The following DMD variants were observed in gnomAD, a reference collection of about 807,000 sequenced individuals.
DMD encodes mutant dystrophin.
DMD carries 63 observed loss-of-function variants against 330.1 expected under a neutral mutation model. The observed-to-expected ratio is 0.19, with a 90% confidence interval of 0.16 to 0.24. The LOEUF is 0.24. Among genes scored for constraint, DMD ranks in the 10% least tolerant of loss-of-function variants. DMD has a pLI of 1.00. For missense variants in DMD, 3,344 were observed against 2,684.1 expected (o/e 1.25, Z -5.43); for synonymous variants, 1,223 against 959.8 (o/e 1.27, Z -5.07).
intron 1 of DMD, among the ~76,000 whole-genome samples, chrX:33,202,332 G>C (rs756981053): frequency 9.0e-6 from 1 of 111,285 alleles, no homozygotes; most frequent in Non-Finnish European, 1.9e-5. Flanking sequence ...ACTCTACCAC[G>C]TACCAGCTGA....
intron 63 of DMD, among the ~76,000 whole-genome samples, chrX:31,229,058 G>A (rs1464426434): frequency 1.8e-5 from 2 of 111,871 alleles, no homozygotes; most frequent in Non-Finnish European, 3.8e-5. Flanking sequence ...TTTAGTCTAT[G>A]CATTTTTCTT....
At chrX:31,219,832 A>G (rs1219099860) in intron 64 of DMD, among the ~76,000 whole-genome samples, 1 of 73,872 alleles carries the variant, frequency 1.4e-5, no homozygotes, top group Non-Finnish European at 2.5e-5. Flanking sequence ...GGATCAATGT[A>G]TACACACACA....
At chrX:31,781,729 T>A (rs779882667) in intron 50 of DMD, among the ~76,000 whole-genome samples, 24 of 111,509 alleles carry the variant, frequency 2.2e-4, no homozygotes, top group South Asian at 1.9e-3. Context: ...TTGTCCCAGA[T>A]AATTTTTTGT....
intron 52 of DMD, among the ~76,000 whole-genome samples, chrX:31,688,948 T>C (rs1461846927): frequency 1.8e-5 from 2 of 111,503 alleles, no homozygotes; most frequent in African/African-American, 6.5e-5. Flanking sequence ...CTCGATAAAT[T>C]AGGTATTGAT....
At chrX:32,891,918 T>G (rs930546575) in intron 2 of DMD, among the ~76,000 whole-genome samples, 4 of 111,158 alleles carry the variant, frequency 3.6e-5, no homozygotes, top group Non-Finnish European at 7.5e-5. Flanking sequence ...CCTGCCATCC[T>G]CTCGCGTCAT....
At chrX:32,139,836 C>G (rs1171241682) in intron 44 of DMD, among the ~76,000 whole-genome samples, 1 of 112,106 alleles carries the variant, frequency 8.9e-6, no homozygotes, top group African/African-American at 3.2e-5. Context: ...GAAATTTTGC[C>G]TGCCTTCAAA....
intron 62 of DMD, among the ~76,000 whole-genome samples, chrX:31,302,448 T>C (rs958521532): frequency 8.9e-6 from 1 of 111,827 alleles, no homozygotes; most frequent in African/African-American, 3.2e-5. Flanking sequence ...TTCACTCTTA[T>C]AGTTTCCAGC....
chrX:32,634,947 C>T (rs1244138060), intron 11 of DMD, among the ~76,000 whole-genome samples: 1 of 111,673 alleles, frequency 9.0e-6, no homozygotes, highest in East Asian at 2.8e-4. Context: ...GCCTAGACTA[C>T]CTTTGAAGTT....
intron 59 of DMD, among the ~76,000 whole-genome samples, chrX:31,463,972 A>G (rs1224222035): frequency 9.0e-6 from 1 of 111,546 alleles, no homozygotes; most frequent in African/African-American, 3.2e-5. Flanking sequence ...TACTGAGAGT[A>G]TATTACTTAA....
intron 7 of DMD, among the ~76,000 whole-genome samples, chrX:32,724,953 G>C (rs1174612314): frequency 9.0e-6 from 1 of 111,573 alleles, no homozygotes; most frequent in African/African-American, 3.3e-5. Flanking sequence ...GAAAGCTCTA[G>C]TAAACATCAA....
intron 47 of DMD, among the ~76,000 whole-genome samples, chrX:31,885,291 C>T (rs1603533994): frequency 1.8e-5 from 2 of 111,512 alleles, no homozygotes; most frequent in South Asian, 7.5e-4. Context: ...CCTCCCAAAA[C>T]ATACTTTCCA....
At chrX:32,782,209 T>C (rs1458882185) in intron 7 of DMD, among the ~76,000 whole-genome samples, 1 of 111,913 alleles carries the variant, frequency 8.9e-6, no homozygotes, top group African/African-American at 3.3e-5. Flanking sequence ...ATATATGTAT[T>C]AAATATTATC....
chrX:31,307,316 C>A (rs1373897241), intron 62 of DMD, among the ~76,000 whole-genome samples: 1 of 111,894 alleles, frequency 8.9e-6, no homozygotes, highest in African/African-American at 3.2e-5. Flanking sequence ...ATCTACCAGT[C>A]AGTATGTTTC....
chrX:32,376,802 G>T (rs954012097), intron 34 of DMD, among the ~76,000 whole-genome samples: 1 of 109,945 alleles, frequency 9.1e-6, no homozygotes, highest in East Asian at 2.9e-4. Context: ...AAACCGCATT[G>T]GTGACATGAA....
At chrX:32,103,322 A>T (rs1343093279) in intron 44 of DMD, among the ~76,000 whole-genome samples, 1 of 112,274 alleles carries the variant, frequency 8.9e-6, no homozygotes, top group Non-Finnish European at 1.9e-5. Context: ...ATAAATGTGG[A>T]TATAAAGTAG....
At chrX:31,639,645 G>C (rs1390994583) in intron 54 of DMD, among the ~76,000 whole-genome samples, 1 of 111,529 alleles carries the variant, frequency 9.0e-6, no homozygotes, top group Non-Finnish European at 1.9e-5. Context: ...ATAGTCTCGT[G>C]ATCTAAAAAC....
At chrX:31,696,943 T>A (rs1397418560) in intron 52 of DMD, among the ~76,000 whole-genome samples, 1 of 112,444 alleles carries the variant, frequency 8.9e-6, no homozygotes, top group East Asian at 2.8e-4. Flanking sequence ...TTGATTGTTA[T>A]AGTAGTCCCA....
chrX:31,798,646 A>C (rs1255552129), intron 50 of DMD, among the ~76,000 whole-genome samples: 1 of 111,506 alleles, frequency 9.0e-6, no homozygotes, highest in Non-Finnish European at 1.9e-5. Flanking sequence ...TGATCTGGGC[A>C]CCATTCTAGG....
rs943268754 is a variant in DMD at position 32,201,894 on chromosome X, C to G, written c.6438+15022G>C. Among the ~76,000 whole-genome samples the G allele has an allele frequency of 3.6e-5, 4 of 111,906 alleles. No homozygotes were observed. The Admixed American group carries it at 3.8e-4, about 11-fold the overall frequency. ...AAAAGGTACAAATCCCTGAAAACTG[C>G]TGAATGAGTATTGAAGTGTTGGCAG... On this transcript the variant is annotated intron_variant, in intron 44 of 78. Transcript: ENST00000357033.
Sources: allele counts gnomAD v4.1 joint callset (sites outside exome capture counted in the v4.1 genomes callset), GRCh38; gene constraint gnomAD v4.1.1; transcripts MANE v1.5; gene names NCBI Gene and HGNC (gene_info 2026-07-23, HGNC 2026-07-21).